Variants in KLHL35 observed in about 807,000 individuals in gnomAD.
KLHL35 encodes the protein kelch-like protein 35.
Under a neutral mutation model 44.0 loss-of-function variants are expected in KLHL35, and 50 were observed. The ratio of observed to expected loss-of-function variants is 1.14; its 90% CI spans 0.91 to 1.44. The LOEUF (loss-of-function observed/expected upper bound fraction) is 1.44. KLHL35 is among the 40% of genes most tolerant of loss of function. The pLI is 0.00. For synonymous variants in KLHL35, 470 were observed against 410.4 expected, an observed-to-expected ratio of 1.15 and a Z score of -1.76; for missense variants, 1,049 against 887.8, an observed-to-expected ratio of 1.18 and a Z score of -2.31.
At chr11:75,428,037 C>T (rs920193852) in intron 3 of KLHL35, among the ~76,000 whole-genome samples, 16 of 152,202 alleles carry the variant, frequency 1.1e-4, no homozygotes, top group African/African-American at 3.6e-4. Context: ...GTGTGTTCCT[C>T]CTAGCTTTGC....
At position 75,429,797 on chromosome 11, in the gene KLHL35, C is replaced by G; in HGVS notation, c.833G>C (p.Cys278Ser). The change falls in exon 2 of 7, where the codon TGC becomes TCC. Residue 278 changes from cysteine (C) to serine (S), a missense_variant. Cys to Ser is a moderately radical substitution (Grantham distance 112). Transcript: ENST00000539798. ...CRPLLLEARACFILGREAGAL... is the reference protein window; with the variant it reads ...CRPLLLEARASFILGREAGAL... ...ACCGGCCTCGCGGCCCAGGATGAAG[C>G]AGGCGCGAGCCTCGAGCAGCAGCGG... 4 of 1,512,056 alleles carry G rather than the reference C, an allele frequency of 2.6e-6. No individual in the cohort carries two copies. The highest frequency in any genetic ancestry group is 3.5e-6 in the Non-Finnish European group (4 of 1,136,992). 93.7% of individuals were successfully genotyped at this position (1,512,056 alleles called of 1,614,324 possible). A position where few individuals can be genotyped will look rare whatever the true frequency, so the allele number is the denominator to read the frequency against.
chr11:75,423,947 T>A (rs891249567), intron 5 of KLHL35, 67 bp from the exon 6 acceptor site: 8 of 1,227,098 alleles, frequency 6.5e-6, no homozygotes, highest in Non-Finnish European at 9.0e-6. Flanking sequence ...ACCGCCCACA[T>A]GCTGCCACCT....
In KLHL35 at chr11:75,422,698, C is replaced by G; in HGVS notation, c.1634G>C (p.Ser545Thr). 1.2e-6 allele frequency: 2 copies of G among 1,614,044 alleles called. No homozygotes were observed. The highest frequency in any genetic ancestry group is 1.7e-6 in the Non-Finnish European group (2 of 1,179,894). ...ILGGRDDRGE[S>T]TDKVFTFDPS... ...GTCAAAGGTGAAGACCTTATCGGTG[C>G]TTTCTCCGCGATCATCCCGCCCGCC... The change falls in exon 7 of 7, where the codon AGC becomes ACC. Residue 545 changes from serine (S) to threonine (T), a missense_variant. Physicochemically the swap from Ser to Thr is moderately conservative, Grantham distance 58 (BLOSUM62 1). Transcript: ENST00000539798.
Position 75,425,576 on chromosome 11 carries a change from G to C in KLHL35, c.1191C>G (p.Phe397Leu). 1 of 1,478,180 alleles carries C rather than the reference G, an allele frequency of 6.8e-7. No individual in the cohort carries two copies. 91.6% of individuals were successfully genotyped at this position (1,478,180 alleles called of 1,614,324 possible). A position where few individuals can be genotyped will look rare whatever the true frequency, so the allele number is the denominator to read the frequency against. The change falls in exon 5 of 7, where the codon TTC becomes TTG. Residue 397 changes from phenylalanine to leucine, a missense_variant. Phe to Leu is a conservative substitution (Grantham distance 22). Coordinates refer to ENST00000539798, the MANE Select transcript of KLHL35 (RefSeq NM_001039548.3). Reference protein sequence around the residue: ...HKMAVVQGQLFAVGGFDGLRR... With the variant: ...HKMAVVQGQLLAVGGFDGLRR... ...TCAGGCCGTCGAAGCCACCCACCGC[G>C]AACAGCTGCAAGTGAGGACATGGGC... is the stretch of plus-strand genomic sequence containing the variant.
In KLHL35 at chr11:75,430,290, C is replaced by A; in HGVS notation, c.340G>T (p.Gly114Cys). The change falls in exon 2 of 7, where the codon GGC (glycine) becomes TGC (cysteine). Residue 114 changes from glycine to cysteine, a missense_variant. Transcript: ENST00000539798. ...TCGTCCTCCGCGCGCAGCCGCACGCCCGCTCCGTACACGTAGTCGAGCACC... is the reference window on the plus strand; with the variant it reads ...TCGTCCTCCGCGCGCAGCCGCACGCACGCTCCGTACACGTAGTCGAGCACC... ...AVVLDYVYGAGVRLRAEDEAA... is the reference protein window; with the variant it reads ...AVVLDYVYGACVRLRAEDEAA... 1 of 1,223,660 alleles carries A rather than the reference C, an allele frequency of 8.2e-7. No homozygotes were observed. Among genetic ancestry groups the A allele is most frequent in the Non-Finnish European group, 1.0e-6 (1 of 984,548 alleles). 75.8% of individuals were successfully genotyped at this position (1,223,660 alleles called of 1,614,324 possible).
intron 3 of KLHL35, 59 bp downstream of exon 3, chr11:75,428,382 GT>G: frequency 6.4e-7 from 1 of 1,572,802 alleles, no homozygotes; most frequent in Non-Finnish European, 8.7e-7. Flanking sequence ...AGCAAAGGGG[GT>G]GGAGTGCGGA....
At chr11:75,429,478 C>T (rs2135083671) in intron 2 of KLHL35, among the ~76,000 whole-genome samples, 1 of 152,340 alleles carries the variant, frequency 6.6e-6, no homozygotes, top group South Asian at 2.1e-4. Context: ...CGCATCCCGG[C>T]ACCCTGCACA....
At chr11:75,424,177 T>C (rs933993480) in intron 5 of KLHL35, 12 of 339,576 alleles carry the variant, frequency 3.5e-5, no homozygotes, top group African/African-American at 2.5e-4. Context: ...CTCCCTGGTG[T>C]TCCCCCCTCC....
rs1948458265 is a variant in KLHL35 at position 75,422,640 on chromosome 11, G to C, written c.1692C>G (p.Ser564=). ...PSSGQVEVQP[S]LQRCTSSHGC... is the part of the protein sequence containing the mutation. ...CGTGGGAGCTGGTGCAGCGCTGCAGGGATGGCTGGACCTCCACCTGCCCAC... is the reference window on the plus strand; with the variant it reads ...CGTGGGAGCTGGTGCAGCGCTGCAGCGATGGCTGGACCTCCACCTGCCCAC... The change falls in exon 7 of 7, where the codon TCC becomes TCG. Residue 564 remains serine (S), a synonymous_variant. Coordinates refer to ENST00000539798, the MANE Select transcript of KLHL35 (RefSeq NM_001039548.3). 6.2e-7 allele frequency: 1 copy of C among 1,613,888 alleles called. No individual in the cohort carries two copies. Among genetic ancestry groups the C allele is most frequent in the African/African-American group, 1.3e-5 (1 of 74,940 alleles).
At chr11:75,425,686 C>A in intron 4 of KLHL35, 105 bp from the exon 5 acceptor site, 1 of 1,091,742 alleles carries the variant, frequency 9.2e-7, no homozygotes, top group Non-Finnish European at 1.2e-6. Flanking sequence ...TATCCCTGTC[C>A]CCAACCCAGT....
chr11:75,423,723 C>T lies in KLHL35; in HGVS notation c.1532G>A (p.Trp511Ter), dbSNP rs745365847. The change falls in exon 6 of 7, where the codon TGG (tryptophan) becomes TAG (stop). Residue 511 changes from tryptophan to a stop codon, truncating the protein, a stop_gained. Coordinates refer to ENST00000539798, the MANE Select transcript of KLHL35 (RefSeq NM_001039548.3). LOFTEE classifies it high-confidence loss of function. ...GCTGGGGAGGACAGCTGCCTCCCCC[C>T]ACACATCTGTGCCTGGATCATAGGT... is the stretch of plus-strand genomic sequence containing the variant. The part of the protein sequence containing the change: ...IFTYDPGTDV[W>*]GEAAVLPSPV... 13 of 1,613,756 alleles carry T rather than the reference C, an allele frequency of 8.1e-6. No individual in the cohort carries two copies. The highest frequency in any genetic ancestry group is 5.5e-5 in the South Asian group (5 of 91,088).
chr11:75,425,842 A>G (rs1948486920), intron 4 of KLHL35: 1 of 391,042 alleles, frequency 2.6e-6, no homozygotes, highest in African/African-American at 2.1e-5. Context: ...AATACCTGGC[A>G]CCAAGCTGAT....
chr11:75,432,803 G>T (rs1948549175), intron 1 of KLHL35, among the ~76,000 whole-genome samples: 1 of 152,164 alleles, frequency 6.6e-6, no homozygotes, highest in Non-Finnish European at 1.5e-5. Context: ...GGGCTCAATG[G>T]GTATCCTCCC....
In KLHL35 at chr11:75,430,195, A is replaced by G; in HGVS notation, c.435T>C (p.Phe145=). Residue 145 remains phenylalanine, a synonymous_variant, in exon 2 of 7, where the codon TTT becomes TTC. Coordinates refer to ENST00000539798, the MANE Select transcript of KLHL35 (RefSeq NM_001039548.3). ...VAGLREACVR[F]LEGRLRAANS... is the part of the protein sequence containing the mutation. ...TGGCGGCGCGCAGGCGGCCCTCGAGAAAGCGCACGCAGGCCTCGCGCAGGC... is the reference window on the plus strand; with the variant it reads ...TGGCGGCGCGCAGGCGGCCCTCGAGGAAGCGCACGCAGGCCTCGCGCAGGC... The G allele has an allele frequency of 8.1e-7, 1 of 1,241,658 alleles. No homozygotes were observed. Among genetic ancestry groups the G allele is most frequent in the South Asian group, 2.4e-5 (1 of 41,250 alleles). The allele number at this position is 1,241,658 out of a possible 1,614,324, so 76.9% of individuals were successfully genotyped here. A position where few individuals can be genotyped will look rare whatever the true frequency, so the allele number is the denominator to read the frequency against.
chr11:75,426,306 C>A (rs1948492097), intron 4 of KLHL35: 1 of 434,264 alleles, frequency 2.3e-6, no homozygotes, highest in Non-Finnish European at 4.2e-6. Context: ...CTCTATGGCC[C>A]CAGAGCCCAT....
intron 6 of KLHL35, 37 bp downstream of exon 6, chr11:75,423,655 G>T (rs976935379): frequency 6.3e-6 from 10 of 1,574,856 alleles, no homozygotes; most frequent in African/African-American, 1.3e-5. Context: ...AGCCTTAGAA[G>T]CGGGTTCCGC....
chr11:75,428,767 A>G (rs1405156047), intron 2 of KLHL35, 141 bp from the exon 3 acceptor site: 2 of 702,216 alleles, frequency 2.8e-6, no homozygotes, highest in Non-Finnish European at 4.5e-6. Context: ...CCCGGCCTCA[A>G]TCCCGCTAGA....
Position 75,430,135 on chromosome 11 carries a change from G to T in KLHL35, c.495C>A (p.Phe165Leu). The change falls in exon 2 of 7, where the codon TTC becomes TTA. Residue 165 changes from phenylalanine (F) to leucine (L), a missense_variant. Coordinates refer to ENST00000539798, the MANE Select transcript of KLHL35 (RefSeq NM_001039548.3). ...AGCGCTCGGCCAGCGGGGCCAGCGA[G>T]AAGGCGGCGGCCACGCGGCGCAGCG... ...SLALRRVAAAFSLAPLAERCG... is the reference protein window; with the variant it reads ...SLALRRVAAALSLAPLAERCG... 1 of 1,260,050 alleles carries T rather than the reference G, an allele frequency of 7.9e-7. No homozygotes were observed. Among genetic ancestry groups the T allele is most frequent in the South Asian group, 2.6e-5 (1 of 37,854 alleles). The allele number at this position is 1,260,050 out of a possible 1,614,324, so 78.1% of individuals were successfully genotyped here.
intron 1 of KLHL35, among the ~76,000 whole-genome samples, chr11:75,431,601 A>G (rs1290037339): frequency 6.6e-6 from 1 of 152,196 alleles, no homozygotes; most frequent in Non-Finnish European, 1.5e-5. Flanking sequence ...TTCTCCAGGT[A>G]GCACCGTCAG....
Sources: gnomAD v4.1 joint callset for allele counts (sites outside exome capture counted in the v4.1 genomes callset) on GRCh38, gnomAD v4.1.1 for gene constraint, MANE v1.5 for transcripts, NCBI Gene and HGNC (gene_info 2026-07-23, HGNC 2026-07-21) for gene names.